PDE4D: variants seen among roughly 807,000 people sequenced by gnomAD.
PDE4D encodes phosphodiesterase 4D.
In PDE4D, 24 loss-of-function variants were observed where a neutral mutation model predicts 87.4. The observed-to-expected ratio is 0.27, with a 90% CI of 0.20 to 0.39. The LOEUF is 0.39. PDE4D is among the 10% of genes least tolerant of loss of function. The probability of loss-of-function intolerance (pLI) is 1.00; values close to 1 mark genes in which losing one functional copy is unlikely to be tolerated. For synonymous variants in PDE4D, 384 were observed against 383.2 expected, an observed-to-expected ratio of 1.00 and a Z score of -0.02; for missense variants, 714 against 1,041.0, an observed-to-expected ratio of 0.69 and a Z score of 4.32.
chr5:59,969,928 C>A (rs1288976216), intron 3 of PDE4D, among the ~76,000 whole-genome samples: 1 of 152,188 alleles, frequency 6.6e-6, no homozygotes, highest in Non-Finnish European at 1.5e-5. Context: ...CGGACAAATA[C>A]ACTTCTCAAG....
chr5:59,857,003 T>C (rs546783225), intron 1 of PDE4D, among the ~76,000 whole-genome samples: 12 of 152,162 alleles, frequency 7.9e-5, no homozygotes, highest in Admixed American at 3.3e-4. Flanking sequence ...AACTTCAGCA[T>C]TGATTATGTC....
intron 5 of PDE4D, among the ~76,000 whole-genome samples, chr5:59,108,659 C>T (rs994609070): frequency 6.6e-6 from 1 of 152,052 alleles, no homozygotes; most frequent in Non-Finnish European, 1.5e-5. Flanking sequence ...TTTGAGAGGC[C>T]AAGGCGGGCC....
chr5:59,923,693 A>T (rs369218402), intron 3 of PDE4D, among the ~76,000 whole-genome samples: 21 of 152,408 alleles, frequency 1.4e-4, no homozygotes, highest in African/African-American at 4.8e-4. Flanking sequence ...ACATAGCTGC[A>T]GTGAACAAAA....
intron 2 of PDE4D, among the ~76,000 whole-genome samples, chr5:60,132,266 T>C (rs1779655001): frequency 6.6e-6 from 1 of 152,210 alleles, no homozygotes; most frequent in Non-Finnish European, 1.5e-5. Flanking sequence ...TAGAAAAGCA[T>C]GCTTCCTAAA....
intron 1 of PDE4D, among the ~76,000 whole-genome samples, chr5:59,485,816 C>T (rs1426739362): frequency 6.6e-6 from 1 of 152,026 alleles, no homozygotes; most frequent in Non-Finnish European, 1.5e-5. Flanking sequence ...TGCAGGATTG[C>T]CAGGGGCATT....
chr5:59,282,431 A>C (rs1765997083), intron 1 of PDE4D, among the ~76,000 whole-genome samples: 1 of 152,102 alleles, frequency 6.6e-6, no homozygotes, highest in East Asian at 1.9e-4. Context: ...ACCTGAGGTC[A>C]GGAGTTTGAG....
chr5:60,029,856 T>A lies in PDE4D; in HGVS notation c.43-41139A>T, dbSNP rs1485325196. The stretch of plus-strand genomic sequence containing the variant: ...GTGATGATGTGGTAAATGGAGTGAG[T>A]TGTGGATGTGCTACTTGATGGTACG... On this transcript the variant is annotated intron_variant, in intron 2 of 16. Coordinates refer to the PDE4D transcript ENST00000502484. 2.6e-5 allele frequency among the ~76,000 whole-genome samples: 4 copies of A among 152,136 alleles called. No individual in the cohort carries two copies. In the South Asian group the frequency reaches 8.3e-4, roughly 32 times the overall value.
intron 1 of PDE4D, among the ~76,000 whole-genome samples, chr5:59,499,797 A>C (rs1807941877): frequency 6.6e-6 from 1 of 152,136 alleles, no homozygotes; most frequent in African/African-American, 2.4e-5. Flanking sequence ...TAATGTCCAA[A>C]AATAGCCCTG....
chr5:59,188,236 A>G (rs1447938943), intron 3 of PDE4D, among the ~76,000 whole-genome samples: 1 of 152,154 alleles, frequency 6.6e-6, no homozygotes, highest in East Asian at 1.9e-4. Context: ...ACAGAGCTCA[A>G]TGGTTAGAAA....
intron 2 of PDE4D, among the ~76,000 whole-genome samples, chr5:59,995,317 C>CT (rs1328121463): frequency 1.6e-5 from 2 of 127,850 alleles, no homozygotes; most frequent in African/African-American, 2.6e-5. Context: ...TTCTTTCTTT[C>CT]TTTCTTTTTT....
intron 1 of PDE4D, among the ~76,000 whole-genome samples, chr5:59,558,038 A>G (rs1303755024): frequency 6.6e-6 from 1 of 152,190 alleles, no homozygotes; most frequent in African/African-American, 2.4e-5. Flanking sequence ...CGTAAGGTTT[A>G]ACAATACTAC....
intron 5 of PDE4D, among the ~76,000 whole-genome samples, chr5:59,113,805 A>G (rs557958967): frequency 1.3e-5 from 2 of 152,226 alleles, no homozygotes; most frequent in Non-Finnish European, 2.9e-5. Flanking sequence ...ACTATGAAAT[A>G]AGAACAATAA....
At chr5:59,504,932 G>GCA (rs1808967687) in intron 1 of PDE4D, among the ~76,000 whole-genome samples, 13 of 150,674 alleles carry the variant, frequency 8.6e-5, no homozygotes, top group Non-Finnish European at 1.5e-4. Context: ...GTGTGTGTGT[G>GCA]TGTGTGTGCG....
chr5:60,437,998 A>G (rs1744895215), intron 1 of PDE4D, among the ~76,000 whole-genome samples: 1 of 152,144 alleles, frequency 6.6e-6, no homozygotes, highest in Non-Finnish European at 1.5e-5. Context: ...ACAGCAGGCA[A>G]ATGCAGGACA....
At chr5:60,340,117 G>A (rs1314284177) in intron 1 of PDE4D, among the ~76,000 whole-genome samples, 1 of 152,218 alleles carries the variant, frequency 6.6e-6, no homozygotes, top group African/African-American at 2.4e-5. Flanking sequence ...GAGGCTGCCA[G>A]TGAGCTCTCT....
intron 1 of PDE4D, among the ~76,000 whole-genome samples, chr5:59,549,521 A>C (rs1169185550): frequency 4.6e-5 from 7 of 152,214 alleles, no homozygotes; most frequent in Non-Finnish European, 8.8e-5. Context: ...CTCAATGTGA[A>C]TGTTAATTAA....
chr5:59,226,996 T>C (rs75681744), intron 1 of PDE4D, among the ~76,000 whole-genome samples: 4,392 of 152,236 alleles, frequency 0.029, 226 homozygotes, highest in African/African-American at 0.1. Context: ...ACTAAGAGTA[T>C]GGAGGGAAGA....
At chr5:60,112,911 T>C (rs1172829477) in intron 2 of PDE4D, among the ~76,000 whole-genome samples, 1 of 152,092 alleles carries the variant, frequency 6.6e-6, no homozygotes, top group Non-Finnish European at 1.5e-5. Context: ...GAGAGAAGGT[T>C]CATGAGGGTT....
intron 1 of PDE4D, among the ~76,000 whole-genome samples, chr5:59,593,431 T>C (rs1826191089): frequency 1.3e-5 from 2 of 152,208 alleles, no homozygotes; most frequent in Admixed American, 6.5e-5. Flanking sequence ...AATTGATTGT[T>C]ACTGATTGAT....
Sources: allele counts gnomAD v4.1 joint callset (sites outside exome capture counted in the v4.1 genomes callset), GRCh38; gene constraint gnomAD v4.1.1; transcripts MANE v1.5; gene names NCBI Gene and HGNC (gene_info 2026-07-23, HGNC 2026-07-21).